The following VRK2 variants were observed in gnomAD, a reference collection of about 807,000 sequenced individuals.
VRK2 encodes the protein VRK serine/threonine kinase 2.
In VRK2, 60 loss-of-function variants were observed where a neutral mutation model predicts 57.6. The ratio of observed to expected loss-of-function variants is 1.04; its 90% confidence interval spans 0.85 to 1.29. The LOEUF is 1.29. VRK2 is among the 50% of genes most tolerant of loss of function. The probability of loss-of-function intolerance (pLI) is 0.00; values close to 1 mark genes in which losing one functional copy is unlikely to be tolerated. For missense variants in VRK2, 705 were observed against 588.1 expected, an observed-to-expected ratio of 1.20 and a Z score of -2.06; for synonymous variants, 231 against 199.2, an observed-to-expected ratio of 1.16 and a Z score of -1.35.
At chr2:58,014,575 A>G (rs1425765887) in intron 1 of VRK2, among the ~76,000 whole-genome samples, 2 of 152,112 alleles carry the variant, frequency 1.3e-5, no homozygotes, top group Non-Finnish European at 2.9e-5. Flanking sequence ...CAAAAGACCC[A>G]TTTCACTCCT....
intron 7 of VRK2, among the ~76,000 whole-genome samples, chr2:58,112,148 A>C (rs72951080): frequency 6.6e-6 from 1 of 152,152 alleles, no homozygotes; most frequent in African/African-American, 2.4e-5. Flanking sequence ...TTTGGAAGTC[A>C]TATCAGCCAG....
intron 2 of VRK2, among the ~76,000 whole-genome samples, chr2:58,026,099 ATGTACTCTGTCTCACAT>A (rs984641144): frequency 5.3e-5 from 8 of 152,228 alleles, no homozygotes; most frequent in African/African-American, 1.4e-4. Context: ...CCCTCTTTCA[ATGTACTCTGTCTCACAT>A]TGTACTCTGT....
At chr2:58,046,999 G>C (rs1030765132) in intron 1 of VRK2, 131 bp downstream of exon 1, 2 of 983,576 alleles carry the variant, frequency 2.0e-6, no homozygotes, top group African/African-American at 3.5e-5. Context: ...CCCAGCCCCC[G>C]GGCCTCAGCT....
intron 1 of VRK2, among the ~76,000 whole-genome samples, chr2:57,990,685 C>T (rs1367154750): frequency 6.6e-6 from 1 of 152,146 alleles, no homozygotes; most frequent in Non-Finnish European, 1.5e-5. Flanking sequence ...TAAATAAAAA[C>T]TTTTGTCCAT....
intron 1 of VRK2, among the ~76,000 whole-genome samples, chr2:57,941,530 C>A (rs1201803390): frequency 6.6e-6 from 1 of 152,214 alleles, no homozygotes; most frequent in Non-Finnish European, 1.5e-5. Context: ...AATCACCTTT[C>A]TGACACCTTT....
chr2:57,990,925 A>G (rs970876327), intron 1 of VRK2, among the ~76,000 whole-genome samples: 2 of 152,004 alleles, frequency 1.3e-5, no homozygotes, highest in African/African-American at 4.8e-5. Flanking sequence ...AACACAAACC[A>G]TATGTTAAGT....
At chr2:58,015,015 A>T (rs1230294601) in intron 1 of VRK2, among the ~76,000 whole-genome samples, 1 of 152,218 alleles carries the variant, frequency 6.6e-6, no homozygotes, top group African/African-American at 2.4e-5. Context: ...ACATTTGTGC[A>T]ATTTTAAGCT....
chr2:57,971,424 C>A (rs72808485), intron 1 of VRK2, among the ~76,000 whole-genome samples: 18,802 of 151,850 alleles, frequency 0.12, 1,242 homozygotes, highest in East Asian at 0.18. Flanking sequence ...AGTAAGTATT[C>A]TTAGTAGGTA....
chr2:58,053,912 T>C (rs72810325), intron 2 of VRK2, among the ~76,000 whole-genome samples: 12,584 of 152,162 alleles, frequency 0.083, 579 homozygotes, highest in East Asian at 0.11. Context: ...GAAACTATAG[T>C]GTTTATGATA....
At chr2:57,958,657 T>G (rs746771234) in intron 1 of VRK2, among the ~76,000 whole-genome samples, 1 of 152,190 alleles carries the variant, frequency 6.6e-6, no homozygotes, top group Non-Finnish European at 1.5e-5. Flanking sequence ...TTAATTCTAC[T>G]GCTACATTAT....
chr2:58,119,359 A>G (rs2104465070), intron 7 of VRK2, among the ~76,000 whole-genome samples: 1 of 149,388 alleles, frequency 6.7e-6, no homozygotes, highest in South Asian at 2.1e-4. Flanking sequence ...AAAAAAAAAA[A>G]TTAGCCAGGC....
intron 3 of VRK2, among the ~76,000 whole-genome samples, chr2:58,036,675 A>C (rs1322379141): frequency 6.6e-6 from 1 of 152,064 alleles, no homozygotes; most frequent in Non-Finnish European, 1.5e-5. Context: ...GTGTTGGCTA[A>C]AGAATAGACC....
chr2:57,925,995 A>T (rs1308331576), intron 1 of VRK2, among the ~76,000 whole-genome samples: 1 of 152,034 alleles, frequency 6.6e-6, no homozygotes, highest in African/African-American at 2.4e-5. Context: ...CCCACTGGTC[A>T]TTCAGGAGCA....
At chr2:58,058,249 T>C (rs898769317) in intron 2 of VRK2, 15 of 432,918 alleles carry the variant, frequency 3.5e-5, no homozygotes, top group Non-Finnish European at 7.1e-5. Context: ...TTTAAAAGTG[T>C]CATTCTATTT....
At chr2:58,033,284 G>A (rs897464866) in exon 3 of VRK2, 1 of 151,952 alleles carries the variant, frequency 6.6e-6, no homozygotes. Context: ...TGGCAAAAAG[G>A]ACTTTACAGA....
At chr2:58,008,215 T>C (rs1004867156) in intron 1 of VRK2, among the ~76,000 whole-genome samples, 1 of 152,034 alleles carries the variant, frequency 6.6e-6, no homozygotes. Context: ...AAAAGTCAAT[T>C]ACACTAGGGT....
intron 2 of VRK2, among the ~76,000 whole-genome samples, chr2:58,066,923 A>G (rs1483742349): frequency 2.0e-5 from 3 of 152,192 alleles, no homozygotes; most frequent in African/African-American, 7.2e-5. Flanking sequence ...GGGTGTTGCC[A>G]AAGCAGATTA....
At chr2:58,140,046 T>A (rs1681093954) in intron 11 of VRK2, among the ~76,000 whole-genome samples, 1 of 152,070 alleles carries the variant, frequency 6.6e-6, no homozygotes, top group African/African-American at 2.4e-5. Flanking sequence ...TACTATGTAC[T>A]ATGAAAGAAA....
chr2:58,132,141 T>A, intron 9 of VRK2: 1 of 537,130 alleles, frequency 1.9e-6, no homozygotes, highest in Non-Finnish European at 3.2e-6. Flanking sequence ...TGAATTACAG[T>A]GCAAAATATA....
Sources: gnomAD v4.1 joint callset for allele counts (sites outside exome capture counted in the v4.1 genomes callset) on GRCh38, gnomAD v4.1.1 for gene constraint, MANE v1.5 for transcripts, NCBI Gene and HGNC (gene_info 2026-07-23, HGNC 2026-07-21) for gene names.